The following GPHN variants were observed in gnomAD, a reference collection of about 807,000 sequenced individuals.
The protein encoded by GPHN is gephyrin.
A neutral mutation model predicts 95.5 loss-of-function variants in GPHN; 17 were observed. That is an observed-to-expected ratio of 0.18 (90% CI 0.12 to 0.27). The LOEUF (loss-of-function observed/expected upper bound fraction) is 0.27, where lower values mean the gene tolerates loss of function less well. GPHN is among the 10% of genes least tolerant of loss of function. The probability of loss-of-function intolerance (pLI) is 1.00; values close to 1 mark genes in which losing one functional copy is unlikely to be tolerated. For missense variants in GPHN, 660 were observed against 978.1 expected (o/e 0.67, Z 4.34); for synonymous variants, 320 against 322.5 (o/e 0.99, Z 0.08).
At chr14:67,324,980 C>T in the GPHN span, among the ~76,000 whole-genome samples, 1 of 141,108 alleles carries the variant, frequency 7.1e-6, no homozygotes, top group Non-Finnish European at 1.5e-5. Flanking sequence ...TCTCGGCTGA[C>T]TGCAAGCTCC....
At chr14:67,354,177 T>G in the GPHN span, among the ~76,000 whole-genome samples, 2 of 152,214 alleles carry the variant, frequency 1.3e-5, no homozygotes, top group African/African-American at 4.8e-5. Context: ...TAATGTAGAT[T>G]TCTACCATCA....
At chr14:67,208,386 A>G in the GPHN span, 48 of 1,613,918 alleles carry the variant, frequency 3.0e-5, no homozygotes, top group African/African-American at 4.0e-5. Flanking sequence ...GAGATGAAGG[A>G]TAAGACCTCT....
At chr14:66,680,186 A>G (rs2066859384) in intron 1 of GPHN, among the ~76,000 whole-genome samples, 1 of 152,096 alleles carries the variant, frequency 6.6e-6, no homozygotes, top group Admixed American at 6.5e-5. Context: ...CTGTCTGGTG[A>G]CTTTGTATTT....
the GPHN span, among the ~76,000 whole-genome samples, chr14:67,292,151 C>T: frequency 6.6e-6 from 1 of 152,050 alleles, no homozygotes; most frequent in Non-Finnish European, 1.5e-5. Flanking sequence ...AAAACATTTA[C>T]AATGTACTGT....
intron 5 of GPHN, among the ~76,000 whole-genome samples, chr14:66,880,239 A>G (rs1292721759): frequency 6.6e-6 from 1 of 152,074 alleles, no homozygotes; most frequent in East Asian, 1.9e-4. Context: ...TCAATACACT[A>G]TATTGATGAA....
intron 1 of GPHN, among the ~76,000 whole-genome samples, chr14:66,667,067 A>C (rs2066006394): frequency 6.6e-6 from 1 of 152,242 alleles, no homozygotes; most frequent in East Asian, 1.9e-4. Context: ...ATACCTAGGA[A>C]TATAGCTAAC....
At chr14:67,380,545 A>G in the GPHN span, 1 of 464,302 alleles carries the variant, frequency 2.2e-6, no homozygotes, top group Non-Finnish European at 3.8e-6. Context: ...TAACTATTAT[A>G]TGCATTAACT....
intron 8 of GPHN, among the ~76,000 whole-genome samples, chr14:66,929,020 A>G (rs1413176570): frequency 1.4e-5 from 2 of 147,302 alleles, no homozygotes; most frequent in East Asian, 2.0e-4. Flanking sequence ...TATTAGATCT[A>G]TTTGATCTGT....
the GPHN span, among the ~76,000 whole-genome samples, chr14:67,512,517 A>T: frequency 2.8e-4 from 43 of 152,210 alleles, no homozygotes; most frequent in Non-Finnish European, 5.3e-4. Context: ...CCTTGTCTGT[A>T]TATGGGAGGT....
At chr14:66,772,445 A>C (rs2059215104) in intron 2 of GPHN, among the ~76,000 whole-genome samples, 1 of 152,232 alleles carries the variant, frequency 6.6e-6, no homozygotes, top group Non-Finnish European at 1.5e-5. Flanking sequence ...GTGACATTGC[A>C]GATGACCTTA....
chr14:67,589,599 G>T, the GPHN span: 1 of 986,058 alleles, frequency 1.0e-6, no homozygotes, highest in African/African-American at 1.7e-5. Flanking sequence ...CAGAACACAG[G>T]CACTAGGTTG....
chr14:66,795,245 T>C (rs1255388334), intron 3 of GPHN, among the ~76,000 whole-genome samples: 2 of 152,194 alleles, frequency 1.3e-5, no homozygotes. Context: ...TTTTTTGGTA[T>C]GCTAATGCTA....
chr14:67,505,726 A>T, the GPHN span, among the ~76,000 whole-genome samples: 1 of 148,670 alleles, frequency 6.7e-6, no homozygotes, highest in Non-Finnish European at 1.5e-5. Flanking sequence ...TTTTTTTTTT[A>T]AACAGATTCT....
the GPHN span, chr14:67,563,016 A>C: frequency 2.0e-6 from 2 of 1,004,146 alleles, no homozygotes; most frequent in African/African-American, 3.2e-5. Flanking sequence ...TGGCCCTGGC[A>C]GGCAGGTACC....
chr14:67,594,282 G>A, the GPHN span, among the ~76,000 whole-genome samples: 14 of 152,102 alleles, frequency 9.2e-5, no homozygotes, highest in Admixed American at 8.5e-4. Flanking sequence ...CCAGGAGTTC[G>A]AGGCTGCAGT....
chr14:67,578,605 G>A, the GPHN span: 1 of 1,610,704 alleles, frequency 6.2e-7, no homozygotes. The surrounding 1 kb of genome is among the most constrained non-coding windows in gnomAD (Gnocchi z 5.0). Flanking sequence ...ATGTCAAGCA[G>A]CAGCTCCAAC....
At chr14:67,690,595 G>A in the GPHN span, 1 of 607,152 alleles carries the variant, frequency 1.6e-6, no homozygotes, top group Non-Finnish European at 2.9e-6. Context: ...AATAACAACA[G>A]CCAAAGACAT....
the GPHN span, chr14:67,333,107 G>A: frequency 3.3e-5 from 21 of 634,858 alleles, no homozygotes; most frequent in South Asian, 4.0e-4. Context: ...TTAGTGAGAC[G>A]ACAGTTCCCT....
At chr14:66,819,109 A>AT (rs1438736552) in intron 3 of GPHN, among the ~76,000 whole-genome samples, 1 of 152,008 alleles carries the variant, frequency 6.6e-6, no homozygotes, top group Admixed American at 6.6e-5. Flanking sequence ...CCAGTTGTCA[A>AT]TTTTTGCTTT....
Sources: gnomAD v4.1 joint callset for allele counts (sites outside exome capture counted in the v4.1 genomes callset) on GRCh38, gnomAD v4.1.1 for gene constraint, Gnocchi (gnomAD v3.1) non-coding constraint, MANE v1.5 for transcripts, NCBI Gene and HGNC (gene_info 2026-07-23, HGNC 2026-07-21) for gene names.